Variants in MICU1 observed in about 807,000 individuals in gnomAD.
MICU1 encodes the protein mitochondrial calcium uptake 1.
MICU1 carries 45 observed loss-of-function variants against 56.8 expected under a neutral mutation model. That is an observed-to-expected ratio of 0.79 (90% CI 0.62 to 1.02). The LOEUF is 1.02. Among genes scored for constraint, MICU1 ranks in the 50% least tolerant of loss-of-function variants. The pLI is 0.00. For missense variants in MICU1, 504 were observed against 587.1 expected, an observed-to-expected ratio of 0.86 and a Z score of 1.46; for synonymous variants, 186 against 195.1, an observed-to-expected ratio of 0.95 and a Z score of 0.39.
At chr10:72,486,465 T>C (rs1456516329) in intron 6 of MICU1, among the ~76,000 whole-genome samples, 4 of 152,104 alleles carry the variant, frequency 2.6e-5, no homozygotes, top group Admixed American at 2.6e-4. Context: ...ACAGTTCAAT[T>C]TGTTTTTTTG....
At chr10:72,579,712 G>A (rs1322667854) in intron 1 of MICU1, among the ~76,000 whole-genome samples, 1 of 152,106 alleles carries the variant, frequency 6.6e-6, no homozygotes, top group Non-Finnish European at 1.5e-5. Flanking sequence ...ACCACAGAAT[G>A]TCCACATAGG....
rs1564850630 is a variant in MICU1 at position 72,408,057 on chromosome 10, A to C, written c.1072-20T>G. 1.2e-5 allele frequency: 19 copies of C among 1,548,128 alleles called. No homozygotes were observed. Among genetic ancestry groups the C allele is most frequent in the Non-Finnish European group, 1.6e-5 (18 of 1,122,978 alleles). ...CAGACCCTGCAAGAGGAGAGACAGC[A>C]AGGTAAGGCAGGACCTGTAACAAAA... On this transcript the variant is annotated intron_variant, in intron 9 of 11. Coordinates refer to ENST00000361114, the MANE Select transcript of MICU1 (RefSeq NM_001195518.2).
At position 72,465,304 on chromosome 10, in the gene MICU1, T is replaced by C. The variant is rs546629916; in HGVS notation, c.933+9796A>G. ...TGAGCCACCATGCCCAGCCCATAGTTTTTTGTTTTTTTTTTTTTTTTTGGT... is the reference window on the plus strand; with the variant it reads ...TGAGCCACCATGCCCAGCCCATAGTCTTTTGTTTTTTTTTTTTTTTTTGGT... On this transcript the variant is annotated intron_variant, in intron 8 of 11. Transcript: ENST00000361114. Among the ~76,000 whole-genome samples, 997 of 119,378 alleles carry C rather than the reference T, an allele frequency of 8.4e-3. 10 individuals carry two copies. The highest frequency in any genetic ancestry group is 0.027 in the African/African-American group (938 of 35,232). 78.3% of individuals were successfully genotyped at this position (119,378 alleles called of 152,430 possible).
Position 72,475,085 on chromosome 10 carries a change from C to T in MICU1, c.933+15G>A. On this transcript the variant is annotated intron_variant, in intron 8 of 11. Transcript: ENST00000361114. ...TCCACATGTGATGGATCTACTGAGT[C>T]TAAGGAAGACCTACCTCAAGCTTCA... 3 of 1,599,298 alleles carry T rather than the reference C, an allele frequency of 1.9e-6. No individual in the cohort carries two copies. The highest frequency in any genetic ancestry group is 2.6e-6 in the Non-Finnish European group (3 of 1,172,376).
At chr10:72,431,094 G>GTCTAACTA (rs1554867914) in intron 8 of MICU1, among the ~76,000 whole-genome samples, 6 of 141,432 alleles carry the variant, frequency 4.2e-5, no homozygotes, top group Admixed American at 3.6e-4. Flanking sequence ...TTATCTGTCT[G>GTCTAACTA]TCTATCTATC....
intron 5 of MICU1, among the ~76,000 whole-genome samples, chr10:72,520,511 A>C (rs1867786385): frequency 6.6e-6 from 1 of 152,168 alleles, no homozygotes; most frequent in South Asian, 2.1e-4. Context: ...GTAATATCGC[A>C]TTTGAGGCAA....
chr10:72,392,502 C>T (rs962817092), intron 10 of MICU1, among the ~76,000 whole-genome samples: 65 of 152,074 alleles, frequency 4.3e-4, no homozygotes, highest in Non-Finnish European at 5.0e-4. Context: ...CCCTGGGAAG[C>T]AGAGGTTGCG....
intron 1 of MICU1, among the ~76,000 whole-genome samples, chr10:72,625,723 T>C (rs1485678898): frequency 6.6e-6 from 1 of 152,144 alleles, no homozygotes. Flanking sequence ...CGGCGCCAAG[T>C]TGCGAACCCG....
intron 5 of MICU1, among the ~76,000 whole-genome samples, chr10:72,519,700 G>A (rs1323718088): frequency 6.6e-6 from 1 of 152,100 alleles, no homozygotes; most frequent in Non-Finnish European, 1.5e-5. Flanking sequence ...CTAGTTACAG[G>A]GTTGATCAAA....
chr10:72,529,138 T>C (rs1839405355), intron 5 of MICU1, among the ~76,000 whole-genome samples: 1 of 152,220 alleles, frequency 6.6e-6, no homozygotes. Flanking sequence ...TCTTGTTCCA[T>C]GTAAACAAAT....
chr10:72,371,453 T>C (rs955130316), intron 11 of MICU1, among the ~76,000 whole-genome samples: 4 of 144,464 alleles, frequency 2.8e-5, no homozygotes, highest in Non-Finnish European at 6.0e-5. Flanking sequence ...ATCAAGAATG[T>C]AGGCCGAGGC....
intron 10 of MICU1, among the ~76,000 whole-genome samples, chr10:72,378,158 C>T (rs142797612): frequency 0.031 from 4,768 of 152,264 alleles, 227 homozygotes; most frequent in African/African-American, 0.11. Context: ...GAGGCTGAGA[C>T]ATGAGAATCA....
At chr10:72,380,161 G>C (rs146205811) in intron 10 of MICU1, among the ~76,000 whole-genome samples, 173 of 152,282 alleles carry the variant, frequency 1.1e-3, no homozygotes, top group African/African-American at 3.9e-3. Context: ...GTTGGTACTG[G>C]AATTCTGGCC....
intron 9 of MICU1, among the ~76,000 whole-genome samples, chr10:72,415,018 T>G (rs1338068107): frequency 3.3e-5 from 5 of 150,050 alleles, no homozygotes; most frequent in East Asian, 1.9e-4. Flanking sequence ...GCTTAGTTTT[T>G]TTTTTTTTTT....
At chr10:72,548,875 T>G (rs1839960406) in intron 4 of MICU1, among the ~76,000 whole-genome samples, 1 of 152,152 alleles carries the variant, frequency 6.6e-6, no homozygotes, top group Admixed American at 6.5e-5. Context: ...TTTTGTATTT[T>G]TATTAGAGAC....
intron 10 of MICU1, among the ~76,000 whole-genome samples, chr10:72,380,611 T>A (rs1862670792): frequency 6.6e-6 from 1 of 152,164 alleles, no homozygotes; most frequent in South Asian, 2.1e-4. Context: ...AGCCCAAATG[T>A]CCACTTGGAA....
intron 3 of MICU1, among the ~76,000 whole-genome samples, chr10:72,557,749 C>T (rs1169058307): frequency 6.6e-6 from 1 of 152,066 alleles, no homozygotes; most frequent in Non-Finnish European, 1.5e-5. Context: ...TATATATATA[C>T]ATACATATAT....
chr10:72,458,668 C>T (rs1020033506), intron 8 of MICU1, among the ~76,000 whole-genome samples: 58 of 150,830 alleles, frequency 3.8e-4, no homozygotes, highest in Non-Finnish European at 7.8e-4. Flanking sequence ...TCTAATAAGG[C>T]TCCCAGGGTC....
chr10:72,393,347 C>T (rs1318190551), intron 10 of MICU1, among the ~76,000 whole-genome samples: 4 of 152,138 alleles, frequency 2.6e-5, no homozygotes, highest in African/African-American at 9.6e-5. Flanking sequence ...GATGGAACTA[C>T]TTTAGAATGA....
Sources: gnomAD v4.1 joint callset for allele counts (sites outside exome capture counted in the v4.1 genomes callset) on GRCh38, gnomAD v4.1.1 for gene constraint, MANE v1.5 for transcripts, NCBI Gene and HGNC (gene_info 2026-07-23, HGNC 2026-07-21) for gene names.